CERT1: variants seen among roughly 807,000 people sequenced by gnomAD.
The protein encoded by CERT1 is ceramide transporter 1.
Under a neutral mutation model 87.9 loss-of-function variants are expected in CERT1, and 31 were observed. The ratio of observed to expected loss-of-function variants is 0.35; its 90% CI spans 0.27 to 0.48. The LOEUF (loss-of-function observed/expected upper bound fraction) is 0.48, where lower values mean the gene tolerates loss of function less well. Ranked by LOEUF, CERT1 falls within the 20% of genes least tolerant of loss-of-function variation. CERT1 has a pLI of 0.99. For synonymous variants in CERT1, 289 were observed against 250.9 expected (o/e 1.15, Z -1.44); for missense variants, 487 against 758.0 (o/e 0.64, Z 4.20).
chr5:75,377,111 T>C (rs1302437111), downstream of CERT1: 2 of 152,282 alleles, frequency 1.3e-5, no homozygotes, highest in Non-Finnish European at 2.9e-5. Context: ...TTTATAGAAA[T>C]AGTACTATAC....
rs367796135 is a variant in CERT1, at chr5:75,511,101, G to A, written c.96+11C>T. The A allele has an allele frequency of 3.4e-5, 53 of 1,544,928 alleles. No individual in the cohort carries two copies. The African/African-American group carries it at 6.7e-4, about 20-fold the overall frequency. On this transcript the variant is annotated intron_variant, in intron 1 of 16. Coordinates refer to ENST00000643780, the MANE Select transcript of CERT1 (RefSeq NM_001379029.1). ...CTGGCCAGGGGTCCCTTGGCACCAG[G>A]GGTTGCTCACCTTACTGAGGACCCC...
chr5:75,467,625 A>C (rs1765514737), intron 2 of CERT1, among the ~76,000 whole-genome samples: 1 of 142,046 alleles, frequency 7.0e-6, no homozygotes, highest in South Asian at 2.4e-4. Context: ...TGGGCAACAG[A>C]GTGAGACTCT....
chr5:75,379,523 A>C (rs371299966), intron 16 of CERT1, 50 bp from the exon 17 acceptor site: 1 of 1,514,482 alleles, frequency 6.6e-7, no homozygotes, highest in East Asian at 2.3e-5. Flanking sequence ...TTCTCCAAAC[A>C]TATGTGAAGC....
chr5:75,498,830 C>T (rs1767202297), intron 2 of CERT1, among the ~76,000 whole-genome samples: 1 of 152,230 alleles, frequency 6.6e-6, no homozygotes, highest in Non-Finnish European at 1.5e-5. Context: ...AAGAGGGCCA[C>T]TGTCCTCCAG....
Position 75,505,997 on chromosome 5 carries a change from G to A in CERT1, c.216C>T (p.Ser72=). ...AGGAACTTACTGTGATGACAGCCTT[G>A]CTAAGACAGATGGATCCTCTGCAGC... ...EYGCRGSICL[S]KAVITPHDFD... Residue 72 remains serine (S), a synonymous_variant, in exon 2 of 17, where the codon AGC becomes AGT. Transcript: ENST00000643780. The A allele has an allele frequency of 1.2e-6, 2 of 1,613,564 alleles. No homozygotes were observed. The highest frequency in any genetic ancestry group is 1.7e-6 in the Non-Finnish European group (2 of 1,179,590).
intron 1 of CERT1, 103 bp downstream of exon 1, chr5:75,511,009 G>A (rs911246289): frequency 3.6e-6 from 5 of 1,392,418 alleles, no homozygotes; most frequent in South Asian, 1.5e-5. Flanking sequence ...CTCGCACCCC[G>A]GCACGTTCCG....
At chr5:75,474,502 G>A (rs753631160) in intron 2 of CERT1, among the ~76,000 whole-genome samples, 9 of 152,012 alleles carry the variant, frequency 5.9e-5, no homozygotes, top group East Asian at 3.9e-4. Context: ...AGTATATCAC[G>A]GAAGTCAGTT....
chr5:75,417,734 A>C (rs1763199246), intron 6 of CERT1, among the ~76,000 whole-genome samples: 1 of 152,240 alleles, frequency 6.6e-6, no homozygotes, highest in South Asian at 2.1e-4. Flanking sequence ...CAAAATGTAA[A>C]ATTTCTGCTC....
chr5:75,388,507 T>C (rs1454947580), intron 12 of CERT1, among the ~76,000 whole-genome samples: 4 of 150,440 alleles, frequency 2.7e-5, no homozygotes, highest in Non-Finnish European at 5.9e-5. Context: ...TTGTTTCAAA[T>C]CACAGAGATC....
At chr5:75,471,176 A>T (rs1397218185) in intron 2 of CERT1, among the ~76,000 whole-genome samples, 1 of 152,162 alleles carries the variant, frequency 6.6e-6, no homozygotes, top group Admixed American at 6.5e-5. Flanking sequence ...ATGTGTTCTG[A>T]GAAATATGCT....
chr5:75,446,737 C>T (rs758000085), intron 3 of CERT1, among the ~76,000 whole-genome samples: 6 of 152,146 alleles, frequency 3.9e-5, no homozygotes, highest in African/African-American at 7.2e-5. Context: ...AGGTCTTCTT[C>T]GGATTTTTTC....
At chr5:75,467,326 G>C (rs1019689109) in intron 2 of CERT1, among the ~76,000 whole-genome samples, 3 of 152,122 alleles carry the variant, frequency 2.0e-5, no homozygotes, top group Admixed American at 6.6e-5. Context: ...AGAATGAAGG[G>C]AGAAAGTTGT....
chr5:75,473,280 C>A (rs536818013), intron 2 of CERT1, among the ~76,000 whole-genome samples: 3 of 152,160 alleles, frequency 2.0e-5, no homozygotes, highest in South Asian at 4.1e-4. Context: ...CAGGGTCTTG[C>A]TATGCTATGC....
chr5:75,468,731 A>G (rs1234368686), intron 2 of CERT1, among the ~76,000 whole-genome samples: 1 of 152,200 alleles, frequency 6.6e-6, no homozygotes, highest in Non-Finnish European at 1.5e-5. Context: ...GGGTACAGAA[A>G]GCCTAATGCT....
chr5:75,427,467 C>T (rs1308054973), intron 3 of CERT1, among the ~76,000 whole-genome samples: 3 of 152,038 alleles, frequency 2.0e-5, no homozygotes, highest in Admixed American at 6.5e-5. Context: ...GGCATGGTGG[C>T]GGGCACCTGT....
rs373624288 is a variant in CERT1, at chr5:75,460,510, G to GT, written c.232-1330dup. 4.5e-3 allele frequency among the ~76,000 whole-genome samples: 681 copies of GT among 152,222 alleles called. 3 individuals are homozygous for GT. The highest frequency in any genetic ancestry group is 0.015 in the African/African-American group (627 of 41,546). ...TAAAAAATGAATGTTTTACATCCTT[G>GT]TTTTTAATCTCAATAAATGAATTAA... On this transcript the variant is annotated intron_variant, in intron 2 of 16. Transcript: ENST00000643780.
intron 2 of CERT1, among the ~76,000 whole-genome samples, chr5:75,482,361 C>A (rs1032559035): frequency 2.0e-5 from 3 of 152,168 alleles, no homozygotes; most frequent in Admixed American, 6.5e-5. Flanking sequence ...GGACTTGTGG[C>A]TTGGGTGCTA....
At chr5:75,457,678 A>G (rs1435175841) in intron 3 of CERT1, among the ~76,000 whole-genome samples, 1 of 151,996 alleles carries the variant, frequency 6.6e-6, no homozygotes, top group Non-Finnish European at 1.5e-5. Context: ...TCAATAAACC[A>G]AGAAAGAAAA....
chr5:75,437,890 A>C (rs1398106203), intron 3 of CERT1, among the ~76,000 whole-genome samples: 1 of 152,048 alleles, frequency 6.6e-6, no homozygotes, highest in Non-Finnish European at 1.5e-5. Context: ...CAAATATAAA[A>C]ATTTTGAGTT....
Sources: gnomAD v4.1 joint callset for allele counts (sites outside exome capture counted in the v4.1 genomes callset) on GRCh38, gnomAD v4.1.1 for gene constraint, MANE v1.5 for transcripts, NCBI Gene and HGNC (gene_info 2026-07-23, HGNC 2026-07-21) for gene names.